The following ERBB4 variants were observed in gnomAD, a reference collection of about 807,000 sequenced individuals.
ERBB4 encodes the protein receptor tyrosine-protein kinase erbB-4.
Under a neutral mutation model 158.0 loss-of-function variants are expected in ERBB4, and 42 were observed. The observed-to-expected ratio is 0.27, with a 90% CI of 0.21 to 0.34. The LOEUF (loss-of-function observed/expected upper bound fraction) is 0.34. Among genes scored for constraint, ERBB4 ranks in the 10% least tolerant of loss-of-function variants. The pLI, the probability that ERBB4 is intolerant of heterozygous loss-of-function variation, is 1.00. For missense variants in ERBB4, 1,333 were observed against 1,624.1 expected, an observed-to-expected ratio of 0.82 and a Z score of 3.08; for synonymous variants, 583 against 558.7, an observed-to-expected ratio of 1.04 and a Z score of -0.61.
In ERBB4 at chr2:211,626,070, C is replaced by T. The variant is rs576083277; in HGVS notation, c.2080-2026G>A. Among the ~76,000 whole-genome samples the T allele has an allele frequency of 2.6e-5, 4 of 152,248 alleles. No individual in the cohort carries two copies. In the East Asian group the frequency reaches 7.7e-4, roughly 29 times the overall value. ...CACTCACAGGAAGCAATTTGCCCTT[C>T]CTAAACCTTTATTTCTTATCTGTGA... is the stretch of plus-strand genomic sequence containing the variant. On this transcript the variant is annotated intron_variant, in intron 17 of 27. Coordinates refer to ENST00000342788, the MANE Select transcript of ERBB4 (RefSeq NM_005235.3).
intron 4 of ERBB4, among the ~76,000 whole-genome samples, chr2:211,774,796 G>A (rs1033575017): frequency 3.3e-5 from 5 of 152,120 alleles, no homozygotes; most frequent in South Asian, 2.1e-4. Flanking sequence ...TTATTATATC[G>A]TTTATTAATA....
At chr2:212,381,984 G>A (rs1456973849) in intron 1 of ERBB4, among the ~76,000 whole-genome samples, 1 of 150,858 alleles carries the variant, frequency 6.6e-6, no homozygotes, top group Non-Finnish European at 1.5e-5. Context: ...TACTCAAAGT[G>A]TTGTTTATGG....
At chr2:211,388,228 T>C (rs1163579420) in intron 25 of ERBB4, among the ~76,000 whole-genome samples, 1 of 152,140 alleles carries the variant, frequency 6.6e-6, no homozygotes, top group Non-Finnish European at 1.5e-5. Context: ...AGGAAAATTG[T>C]ACAGAAAAAG....
intron 19 of ERBB4, among the ~76,000 whole-genome samples, chr2:211,600,220 T>G (rs1193363296): frequency 6.6e-6 from 1 of 152,212 alleles, no homozygotes; most frequent in Non-Finnish European, 1.5e-5. Context: ...CATTTCCTTA[T>G]GATTCTCCCA....
At chr2:211,787,241 T>A (rs1178620042) in intron 4 of ERBB4, among the ~76,000 whole-genome samples, 1 of 152,154 alleles carries the variant, frequency 6.6e-6, no homozygotes, top group Non-Finnish European at 1.5e-5. Flanking sequence ...TTGATGAAAA[T>A]TCTGTTTTCA....
chr2:212,428,201 AT>A (rs1349794282), intron 1 of ERBB4, among the ~76,000 whole-genome samples: 2 of 152,198 alleles, frequency 1.3e-5, no homozygotes, highest in African/African-American at 4.8e-5. Flanking sequence ...GGAAATGATA[AT>A]AATATTTAAA....
At chr2:212,124,332 C>T (rs572329650) in intron 2 of ERBB4, among the ~76,000 whole-genome samples, 1 of 151,440 alleles carries the variant, frequency 6.6e-6, no homozygotes, top group Admixed American at 6.6e-5. Flanking sequence ...TTTTTAATAA[C>T]AGTGTTAGTC....
chr2:211,981,725 T>C (rs2081802389), intron 2 of ERBB4, among the ~76,000 whole-genome samples: 1 of 152,218 alleles, frequency 6.6e-6, no homozygotes, highest in Admixed American at 6.5e-5. Context: ...CTAATCATTT[T>C]ATCTTTTGCT....
chr2:212,019,485 G>C (rs900799363), intron 2 of ERBB4, among the ~76,000 whole-genome samples: 2 of 152,056 alleles, frequency 1.3e-5, no homozygotes, highest in Non-Finnish European at 2.9e-5. Context: ...AAAATAGGCA[G>C]GGCACGGTGG....
intron 1 of ERBB4, among the ~76,000 whole-genome samples, chr2:212,219,212 G>T (rs2083205692): frequency 6.6e-6 from 1 of 151,252 alleles, no homozygotes; most frequent in South Asian, 2.1e-4. Context: ...TTGGTAAATG[G>T]TAGAACTAAA....
chr2:212,248,027 T>C (rs1236865627), intron 1 of ERBB4, among the ~76,000 whole-genome samples: 1 of 152,144 alleles, frequency 6.6e-6, no homozygotes, highest in Non-Finnish European at 1.5e-5. Context: ...TGATTATCAT[T>C]GTGGTTTGAG....
At chr2:212,397,014 T>C (rs562142502) in intron 1 of ERBB4, among the ~76,000 whole-genome samples, 1 of 152,210 alleles carries the variant, frequency 6.6e-6, no homozygotes, top group South Asian at 2.1e-4. Context: ...TATTAATCAA[T>C]TGGTATTGTA....
chr2:212,401,985 A>G (rs148204753), intron 1 of ERBB4, among the ~76,000 whole-genome samples: 51 of 152,252 alleles, frequency 3.3e-4, no homozygotes, highest in African/African-American at 9.9e-4. Flanking sequence ...ATATTTTTAT[A>G]TACAATCTAT....
At chr2:211,504,124 G>A (rs2065684880) in intron 20 of ERBB4, among the ~76,000 whole-genome samples, 1 of 152,054 alleles carries the variant, frequency 6.6e-6, no homozygotes, top group Non-Finnish European at 1.5e-5. Flanking sequence ...GTTCTTACCT[G>A]CAAGTGCCAC....
At chr2:211,733,271 T>C (rs1467342661) in intron 5 of ERBB4, among the ~76,000 whole-genome samples, 1 of 152,188 alleles carries the variant, frequency 6.6e-6, no homozygotes, top group Non-Finnish European at 1.5e-5. Context: ...TCTCCCTTCT[T>C]AATAGGCTAT....
At chr2:211,578,514 GA>G (rs372730085) in intron 19 of ERBB4, among the ~76,000 whole-genome samples, 1 of 152,162 alleles carries the variant, frequency 6.6e-6, no homozygotes, top group East Asian at 1.9e-4. Context: ...TAAGCAAAGA[GA>G]AAAAAGCTTG....
chr2:212,401,698 T>G (rs1374405496), intron 1 of ERBB4, among the ~76,000 whole-genome samples: 1 of 152,266 alleles, frequency 6.6e-6, no homozygotes, highest in Admixed American at 6.5e-5. Context: ...AATCTTATTT[T>G]TGTACATGGA....
chr2:212,222,251 G>T (rs1180567455), intron 1 of ERBB4, among the ~76,000 whole-genome samples: 3 of 151,438 alleles, frequency 2.0e-5, no homozygotes, highest in Admixed American at 6.6e-5. Context: ...CCAGAAATGA[G>T]GAGTACGGGT....
intron 3 of ERBB4, among the ~76,000 whole-genome samples, chr2:211,908,509 T>A (rs2079457068): frequency 1.3e-5 from 2 of 151,732 alleles, no homozygotes; most frequent in Admixed American, 1.3e-4. Context: ...TCGTATATAA[T>A]TAAATAAAAT....
Sources: allele counts gnomAD v4.1 joint callset (sites outside exome capture counted in the v4.1 genomes callset), GRCh38; gene constraint gnomAD v4.1.1; transcripts MANE v1.5; gene names NCBI Gene and HGNC (gene_info 2026-07-23, HGNC 2026-07-21).